The following UPK3A variants were observed in gnomAD, a reference collection of about 807,000 sequenced individuals.
The protein encoded by UPK3A is uroplakin-3a.
A neutral mutation model predicts 27.6 loss-of-function variants in UPK3A; 32 were observed. That is an observed-to-expected ratio of 1.16 (90% CI 0.87 to 1.55). UPK3A has a LOEUF of 1.55. Among genes scored for constraint, UPK3A ranks in the 40% most tolerant of loss-of-function variants. The probability of loss-of-function intolerance (pLI) is 0.00; values close to 1 mark genes in which losing one functional copy is unlikely to be tolerated. For synonymous variants in UPK3A, 171 were observed against 163.9 expected, an observed-to-expected ratio of 1.04 and a Z score of -0.33; for missense variants, 370 against 367.9, an observed-to-expected ratio of 1.01 and a Z score of -0.05.
intron 3 of UPK3A, among the ~76,000 whole-genome samples, chr22:45,287,828 A>T (rs2084130040): frequency 6.6e-6 from 1 of 151,620 alleles, no homozygotes; most frequent in African/African-American, 2.4e-5. Context: ...ATGCCCGGCT[A>T]ATTTTTTGTG....
chr22:45,289,013 G>A lies in UPK3A; in HGVS notation c.489-48G>A, dbSNP rs182963466. 8 of 1,584,224 alleles carry A rather than the reference G, an allele frequency of 5.0e-6. No homozygotes were observed. In the East Asian group the frequency reaches 1.6e-4, roughly 31 times the overall value. On this transcript the variant is annotated intron_variant, in intron 3 of 5. Coordinates refer to ENST00000216211, the MANE Select transcript of UPK3A (RefSeq NM_006953.4). ...ATCCCCCCACCGCCTCCCTGTGGGTGGGGCTCACAGGAAGCATAAAAGTCA... is the reference window on the plus strand; with the variant it reads ...ATCCCCCCACCGCCTCCCTGTGGGTAGGGCTCACAGGAAGCATAAAAGTCA...
intron 4 of UPK3A, among the ~76,000 whole-genome samples, chr22:45,289,738 G>C (rs2084146944): frequency 6.6e-6 from 1 of 150,548 alleles, no homozygotes; most frequent in Admixed American, 6.6e-5. Context: ...TGGTGACAGA[G>C]TGAGACTCTG....
intron 4 of UPK3A, among the ~76,000 whole-genome samples, chr22:45,290,085 C>T (rs1480020163): frequency 6.6e-6 from 1 of 152,228 alleles, no homozygotes; most frequent in Non-Finnish European, 1.5e-5. Context: ...CTTCCCTGCA[C>T]ACCTACTCCT....
intron 3 of UPK3A, 136 bp from the exon 4 acceptor site, chr22:45,288,925 C>G (rs1038189821): frequency 1.6e-5 from 13 of 802,626 alleles, no homozygotes; most frequent in Non-Finnish European, 2.5e-5. Flanking sequence ...GCTCAGTAGC[C>G]GTCTACATTT....
At chr22:45,292,195 TG>T (rs1377184343) in intron 4 of UPK3A, among the ~76,000 whole-genome samples, 1 of 152,208 alleles carries the variant, frequency 6.6e-6, no homozygotes, top group African/African-American at 2.4e-5. Context: ...GATGGGCCTC[TG>T]CAGCAGGGTT....
intron 4 of UPK3A, among the ~76,000 whole-genome samples, 159 bp from the exon 5 acceptor site, chr22:45,293,022 G>T (rs571326053): frequency 1.3e-5 from 2 of 152,196 alleles, no homozygotes; most frequent in East Asian, 3.9e-4. Flanking sequence ...GGGAAAATAA[G>T]GTAATTGTGC....
In UPK3A at chr22:45,286,086, G is replaced by A; in HGVS notation, c.198G>A (p.Leu66=). 1 of 1,614,148 alleles carries A rather than the reference G, an allele frequency of 6.2e-7. No individual in the cohort carries two copies. ...TGTHEVYLYV[L]VDSAISRNAS... ...CCCACGAGGTCTACCTGTATGTCCT[G>A]GTCGACTCAGGTAAGGGTCCTGCTT... The change falls in exon 2 of 6, where the codon CTG becomes CTA. Residue 66 remains leucine (L), a synonymous_variant. Transcript: ENST00000216211.
Position 45,287,217 on chromosome 22 carries a change from T to C in UPK3A, c.254T>C (p.Leu85Pro). The C allele has an allele frequency of 6.2e-7, 1 of 1,614,238 alleles. No individual in the cohort carries two copies. The change falls in exon 3 of 6, where the codon CTG (leucine) becomes CCG (proline). Residue 85 changes from leucine (L) to proline (P), a missense_variant. Physicochemically the swap from Leu to Pro is moderately conservative, Grantham distance 98. Coordinates refer to ENST00000216211, the MANE Select transcript of UPK3A (RefSeq NM_006953.4). The part of the protein sequence containing the change: ...ASVQDSTNTP[L>P]GSTFLQTEGG... ...GTGCAAGACAGCACCAACACCCCAC[T>C]GGGCTCAACGTTCCTACAAACAGAG... is the stretch of plus-strand genomic sequence containing the variant.
At chr22:45,290,371 G>A (rs2084151837) in intron 4 of UPK3A, among the ~76,000 whole-genome samples, 1 of 152,192 alleles carries the variant, frequency 6.6e-6, no homozygotes, top group Non-Finnish European at 1.5e-5. Context: ...CACCCCCAGG[G>A]GCGTGGGGGG....
chr22:45,292,530 C>G (rs2084168895), intron 4 of UPK3A, among the ~76,000 whole-genome samples: 1 of 152,202 alleles, frequency 6.6e-6, no homozygotes, highest in African/African-American at 2.4e-5. Flanking sequence ...CAGACCAGGG[C>G]CCTTTGCCTC....
intron 1 of UPK3A, among the ~76,000 whole-genome samples, chr22:45,285,552 G>A (rs1415657908): frequency 6.6e-6 from 1 of 152,142 alleles, no homozygotes; most frequent in Non-Finnish European, 1.5e-5. Context: ...CAGAGAGGCT[G>A]GACTTCGTCA....
At chr22:45,285,479 G>C (rs1022937949) in intron 1 of UPK3A, among the ~76,000 whole-genome samples, 3 of 152,186 alleles carry the variant, frequency 2.0e-5, no homozygotes, top group Non-Finnish European at 4.4e-5. Flanking sequence ...GCCTGTGGGG[G>C]AAGGGGTGAG....
chr22:45,291,890 G>A (rs1189063354), intron 4 of UPK3A, among the ~76,000 whole-genome samples: 16 of 150,980 alleles, frequency 1.1e-4, no homozygotes, highest in East Asian at 7.8e-4. Context: ...GTGGCAGGGC[G>A]TGTGAGTTGG....
intron 5 of UPK3A, among the ~76,000 whole-genome samples, chr22:45,293,595 G>C (rs533718318): frequency 6.6e-6 from 1 of 152,176 alleles, no homozygotes; most frequent in South Asian, 2.1e-4. Context: ...ACACTGAAGA[G>C]TTATGCAACC....
In UPK3A at chr22:45,287,413, C is replaced by A. The variant is rs147160242; in HGVS notation, c.450C>A (p.Gly150=). The change falls in exon 3 of 6, where the codon GGC becomes GGA. Residue 150 remains glycine (G), a synonymous_variant. Transcript: ENST00000216211. ...GTCLWDPNFQ[G]LCNAPLSAAT... The stretch of plus-strand genomic sequence containing the variant: ...GCCTGTGGGATCCCAACTTCCAGGG[C>A]CTCTGTAACGCACCCCTGTCGGCAG... The A allele has an allele frequency of 3.1e-4, 503 of 1,609,664 alleles. 1 individual carries two copies. Among genetic ancestry groups the A allele is most frequent in the Non-Finnish European group, 4.1e-4 (480 of 1,178,150 alleles).
At chr22:45,290,468 T>C (rs1399750632) in intron 4 of UPK3A, among the ~76,000 whole-genome samples, 3 of 152,134 alleles carry the variant, frequency 2.0e-5, no homozygotes, top group Non-Finnish European at 4.4e-5. Context: ...TGTTGTGGTA[T>C]GTCTATGTGT....
At chr22:45,286,919 T>C (rs1233476905) in intron 2 of UPK3A, among the ~76,000 whole-genome samples, 3 of 152,020 alleles carry the variant, frequency 2.0e-5, no homozygotes, top group African/African-American at 7.3e-5. Context: ...CAAAGGTCTG[T>C]TGGGATGGGG....
intron 4 of UPK3A, among the ~76,000 whole-genome samples, chr22:45,290,375 T>TG (rs1005252814): frequency 2.0e-5 from 3 of 152,056 alleles, no homozygotes; most frequent in African/African-American, 7.2e-5. Context: ...CCCAGGGGCG[T>TG]GGGGGGCTCT....
intron 4 of UPK3A, among the ~76,000 whole-genome samples, chr22:45,289,669 G>A (rs143444810): frequency 3.3e-5 from 5 of 151,406 alleles, no homozygotes; most frequent in African/African-American, 7.3e-5. Flanking sequence ...GAGGAGAATC[G>A]CTTGAACTGG....
Sources: allele counts gnomAD v4.1 joint callset (sites outside exome capture counted in the v4.1 genomes callset), GRCh38; gene constraint gnomAD v4.1.1; transcripts MANE v1.5; gene names NCBI Gene and HGNC (gene_info 2026-07-23, HGNC 2026-07-21).